The following NCOA7 variants were observed in gnomAD, a reference collection of about 807,000 sequenced individuals.
NCOA7 encodes 140 kDa estrogen receptor-associated protein.
Under a neutral mutation model 104.3 loss-of-function variants are expected in NCOA7, and 45 were observed. The observed-to-expected ratio is 0.43, with a 90% CI of 0.34 to 0.55. NCOA7 has a LOEUF of 0.55. Ranked by LOEUF, NCOA7 falls within the 20% of genes least tolerant of loss-of-function variation. NCOA7 has a pLI of 0.02. For missense variants in NCOA7, 1,041 were observed against 1,119.7 expected (o/e 0.93, Z 1.00); for synonymous variants, 398 against 402.3 (o/e 0.99, Z 0.13).
intron 2 of NCOA7, among the ~76,000 whole-genome samples, chr6:125,838,730 C>A (rs189885306): frequency 1.3e-5 from 2 of 152,284 alleles, no homozygotes; most frequent in East Asian, 3.9e-4. Flanking sequence ...GTCCCCAGAC[C>A]ACCTGTACTT....
intron 2 of NCOA7, among the ~76,000 whole-genome samples, chr6:125,840,423 T>TAA (rs1234643500): frequency 6.6e-6 from 1 of 152,098 alleles, no homozygotes; most frequent in Non-Finnish European, 1.5e-5. Context: ...AAGTCTGCAG[T>TAA]AGAGCACAGT....
At chr6:125,832,524 T>G (rs1779274502) in intron 2 of NCOA7, among the ~76,000 whole-genome samples, 1 of 152,234 alleles carries the variant, frequency 6.6e-6, no homozygotes. Flanking sequence ...GATTGAAGTT[T>G]GTACCCTGGA....
At position 125,921,685 on chromosome 6, in the gene NCOA7, G is replaced by T. The variant is rs928832787; in HGVS notation, c.2370+617G>T. ...CCATAGTCCTAATATGCTTTAAAAAGGATCCAAATTTATCCTTGTAATTAT... is the reference window on the plus strand; with the variant it reads ...CCATAGTCCTAATATGCTTTAAAAATGATCCAAATTTATCCTTGTAATTAT... On this transcript the variant is annotated intron_variant, in intron 12 of 15. Coordinates refer to ENST00000392477, the MANE Select transcript of NCOA7 (RefSeq NM_181782.5). Among the ~76,000 whole-genome samples the T allele has an allele frequency of 2.6e-5, 4 of 152,058 alleles. No homozygotes were observed. The South Asian group carries it at 6.2e-4, about 24-fold the overall frequency.
At chr6:125,810,113 A>G (rs1194325875) in intron 1 of NCOA7, 3 of 152,262 alleles carry the variant, frequency 2.0e-5, no homozygotes, top group Non-Finnish European at 4.4e-5. Flanking sequence ...TCCGGAGTCA[A>G]CAACATCCAG....
At position 125,811,844 on chromosome 6, in the gene NCOA7, T is replaced by C. The variant is rs909753012; in HGVS notation, c.-64-3447T>C. Among the ~76,000 whole-genome samples, 178 of 152,214 alleles carry C rather than the reference T, an allele frequency of 1.2e-3. 1 individual carries two copies. Among genetic ancestry groups the C allele is most frequent in the Non-Finnish European group, 5.0e-4 (34 of 68,036 alleles). ...CTCCCTGTCCCAGTGGCTAGGTACA[T>C]GTGCCTTAACTTGCGAATTCTGTGC... On this transcript the variant is annotated intron_variant, in intron 1 of 15. Coordinates refer to ENST00000392477, the MANE Select transcript of NCOA7 (RefSeq NM_181782.5).
At position 125,890,934 on chromosome 6, in the gene NCOA7, A is replaced by G. The variant is rs547873948; in HGVS notation, c.2096+124A>G. The G allele has an allele frequency of 7.8e-4, 756 of 969,094 alleles. 1 individual carries two copies. The highest frequency in any genetic ancestry group is 1.9e-3 in the Middle Eastern group (8 of 4,208). The allele number at this position is 969,094 out of a possible 1,614,324, so 60.0% of individuals were successfully genotyped here. On this transcript the variant is annotated intron_variant, in intron 10 of 15. Coordinates refer to ENST00000392477, the MANE Select transcript of NCOA7 (RefSeq NM_181782.5). ...GAGCTTTATCTGAATTGTAGATTTT[A>G]GAATTCTAGAAGGATATTATTTAAA...
At chr6:125,858,416 A>G (rs189116110) in intron 3 of NCOA7, among the ~76,000 whole-genome samples, 2 of 151,966 alleles carry the variant, frequency 1.3e-5, no homozygotes, top group African/African-American at 4.8e-5. Flanking sequence ...TAAGGTTAGG[A>G]GGATCACTGG....
rs1228034106 is a variant in NCOA7, at chr6:125,858,368, C to T, written c.271+3128C>T. Among the ~76,000 whole-genome samples the T allele has an allele frequency of 3.3e-5, 5 of 152,158 alleles. No individual in the cohort carries two copies. In the South Asian group the frequency reaches 8.3e-4, roughly 25 times the overall value. On this transcript the variant is annotated intron_variant, in intron 3 of 15. Coordinates refer to ENST00000392477, the MANE Select transcript of NCOA7 (RefSeq NM_181782.5). ...GTAAGTAAAGAAATGTGGCCAGGCT[C>T]AGTGGTTCACACCTGTAATCCCAGC...
chr6:125,890,718 A>C lies in NCOA7; in HGVS notation c.2004A>C (p.Arg668Ser), dbSNP rs774453527. 4 of 1,613,908 alleles carry C rather than the reference A, an allele frequency of 2.5e-6. No individual in the cohort carries two copies. The highest frequency in any genetic ancestry group is 1.1e-5 in the South Asian group (1 of 91,066). ...FLCIKVGKPMRKSFATHTAAM... is the reference protein window; with the variant it reads ...FLCIKVGKPMSKSFATHTAAM... The stretch of plus-strand genomic sequence containing the variant: ...GCATCAAAGTGGGAAAACCAATGAG[A>C]AAATCCTTTGCCACTCACACTGCAG... Residue 668 changes from arginine (R) to serine (S), a missense_variant, in exon 10 of 16, where the codon AGA (arginine) becomes AGC (serine). Arg to Ser is a moderately radical substitution (Grantham distance 110, BLOSUM62 -1). Coordinates refer to ENST00000392477, the MANE Select transcript of NCOA7 (RefSeq NM_181782.5).
chr6:125,828,619 G>T (rs182942133), intron 2 of NCOA7, among the ~76,000 whole-genome samples: 3 of 152,286 alleles, frequency 2.0e-5, no homozygotes, highest in Non-Finnish European at 4.4e-5. Flanking sequence ...CATCAGAAAG[G>T]GATCCCTCAG....
intron 10 of NCOA7, among the ~76,000 whole-genome samples, chr6:125,903,254 G>A (rs138825266): frequency 4.6e-5 from 7 of 152,308 alleles, no homozygotes; most frequent in African/African-American, 1.4e-4. Flanking sequence ...TTTTAGATGG[G>A]TTGATTTTGT....
At chr6:125,846,179 A>G (rs562281282) in intron 2 of NCOA7, among the ~76,000 whole-genome samples, 10 of 150,654 alleles carry the variant, frequency 6.6e-5, no homozygotes, top group African/African-American at 2.4e-4. Flanking sequence ...GTTTGTTTTT[A>G]TTTTTGCTTT....
rs184014681 is a variant in NCOA7, at chr6:125,843,563, T to C, written c.51-11457T>C. On this transcript the variant is annotated intron_variant, in intron 2 of 15. Transcript: ENST00000392477. ...TCCAAATACTTTCTTTAAATTTCTC[T>C]TTGCCAAATTTGATTAACTTCTGAG... 1.3e-4 allele frequency among the ~76,000 whole-genome samples: 20 copies of C among 152,348 alleles called. No homozygotes were observed. The East Asian group carries it at 3.7e-3, about 28-fold the overall frequency.
At chr6:125,818,620 C>T (rs1179937327) in intron 2 of NCOA7, among the ~76,000 whole-genome samples, 1 of 152,068 alleles carries the variant, frequency 6.6e-6, no homozygotes, top group Non-Finnish European at 1.5e-5. Context: ...ACTGACAAAC[C>T]TGTAGTTTAG....
chr6:125,896,361 A>G lies in NCOA7; in HGVS notation c.2096+5551A>G, dbSNP rs1785018578. 2.0e-5 allele frequency among the ~76,000 whole-genome samples: 3 copies of G among 152,182 alleles called. No individual in the cohort carries two copies. The South Asian group carries it at 6.2e-4, about 31-fold the overall frequency. ...TGATTCTTTATATCTAAGTCAGTAG[A>G]TGAATAAAGAAACAAATGTAGCTAT... is the stretch of plus-strand genomic sequence containing the variant. On this transcript the variant is annotated intron_variant, in intron 10 of 15. Transcript: ENST00000392477.
upstream of NCOA7, chr6:125,785,998 A>G (rs1182422811): frequency 1.3e-5 from 2 of 152,212 alleles, no homozygotes; most frequent in Non-Finnish European, 2.9e-5. Flanking sequence ...ACATAGGTCT[A>G]TCCACAAAAG....
chr6:125,883,874 C>G (rs185790044), intron 7 of NCOA7, among the ~76,000 whole-genome samples: 2 of 152,200 alleles, frequency 1.3e-5, no homozygotes, highest in Non-Finnish European at 1.5e-5. Flanking sequence ...TGTGTACCAC[C>G]TCATCCGGCT....
Position 125,931,099 on chromosome 6 carries a change from A to G in NCOA7, c.*2328A>G, listed in dbSNP as rs1327033916. On this transcript the variant is annotated 3_prime_UTR_variant, in exon 16 of 16. Coordinates refer to ENST00000392477, the MANE Select transcript of NCOA7 (RefSeq NM_181782.5). ...CCCAATATTTTCAATAAAGGACTTT[A>G]TGCATTCAGTGATTTTCTTTCCCAA... 2 of 152,648 alleles carry G rather than the reference A, an allele frequency of 1.3e-5. No homozygotes were observed. The highest frequency in any genetic ancestry group is 2.9e-5 in the Non-Finnish European group (2 of 68,036). 9.5% of individuals were successfully genotyped at this position (152,648 alleles called of 1,614,324 possible). A position where few individuals can be genotyped will look rare whatever the true frequency, so the allele number is the denominator to read the frequency against.
At chr6:125,898,946 A>T (rs1394145337) in intron 10 of NCOA7, among the ~76,000 whole-genome samples, 1 of 152,182 alleles carries the variant, frequency 6.6e-6, no homozygotes, top group African/African-American at 2.4e-5. Context: ...ACTAACTACA[A>T]TTCATTTTAT....
Sources: gnomAD v4.1 joint callset for allele counts (sites outside exome capture counted in the v4.1 genomes callset) on GRCh38, gnomAD v4.1.1 for gene constraint, MANE v1.5 for transcripts, NCBI Gene and HGNC (gene_info 2026-07-23, HGNC 2026-07-21) for gene names.